KIAA1217: variants seen among roughly 807,000 people sequenced by gnomAD.
KIAA1217 encodes KIAA1217.
In KIAA1217, 88 loss-of-function variants were observed where a neutral mutation model predicts 163.9. That is an observed-to-expected ratio of 0.54 (90% confidence interval 0.45 to 0.64). The LOEUF (loss-of-function observed/expected upper bound fraction) is 0.64. KIAA1217 is among the 30% of genes least tolerant of loss of function. The probability of loss-of-function intolerance (pLI) is 0.00; values close to 1 mark genes in which losing one functional copy is unlikely to be tolerated. For missense variants in KIAA1217, 2,372 were observed against 2,475.0 expected (o/e 0.96, Z 0.88); for synonymous variants, 903 against 923.1 (o/e 0.98, Z 0.39).
intron 1 of KIAA1217, among the ~76,000 whole-genome samples, chr10:23,799,653 G>A (rs1588844579): frequency 6.6e-6 from 1 of 151,958 alleles, no homozygotes; most frequent in Admixed American, 6.6e-5. Context: ...TGTTTTGAGG[G>A]AATCCAATAA....
intron 1 of KIAA1217, among the ~76,000 whole-genome samples, chr10:23,889,619 A>T (rs890525748): frequency 2.0e-5 from 3 of 151,948 alleles, no homozygotes; most frequent in African/African-American, 7.2e-5. Flanking sequence ...TTCAATTCAG[A>T]AAAGACTAAT....
chr10:24,139,693 A>C (rs1353883431), intron 2 of KIAA1217, among the ~76,000 whole-genome samples: 1 of 152,194 alleles, frequency 6.6e-6, no homozygotes, highest in Non-Finnish European at 1.5e-5. Context: ...TGGTCATAAT[A>C]ATATCCATTT....
chr10:23,962,117 C>T (rs948337941), intron 1 of KIAA1217, among the ~76,000 whole-genome samples: 2 of 152,188 alleles, frequency 1.3e-5, no homozygotes, highest in Non-Finnish European at 2.9e-5. Context: ...TTGCCCTGGC[C>T]GTCTGGCCGT....
At chr10:23,869,214 T>C (rs1647460488) in intron 1 of KIAA1217, among the ~76,000 whole-genome samples, 1 of 146,724 alleles carries the variant, frequency 6.8e-6, no homozygotes, top group South Asian at 2.2e-4. Context: ...AAAAGTGGTC[T>C]AGCAGCAGTA....
chr10:24,165,015 A>T (rs1176047771), intron 2 of KIAA1217, among the ~76,000 whole-genome samples: 1 of 152,220 alleles, frequency 6.6e-6, no homozygotes, highest in African/African-American at 2.4e-5. Context: ...GGCTGGGCAG[A>T]TGTCTGCTTA....
chr10:24,374,723 C>T (rs972784577), intron 2 of KIAA1217, among the ~76,000 whole-genome samples: 1 of 152,130 alleles, frequency 6.6e-6, no homozygotes, highest in Non-Finnish European at 1.5e-5. Flanking sequence ...CCACAGAAGC[C>T]GTGGGAAGTT....
chr10:24,151,829 T>C (rs2064629369), intron 2 of KIAA1217, among the ~76,000 whole-genome samples: 1 of 152,080 alleles, frequency 6.6e-6, no homozygotes, highest in Admixed American at 6.6e-5. Context: ...GTTAGAGAAC[T>C]GAGGGCCAGA....
In KIAA1217 at chr10:24,047,485, G is replaced by T. The variant is rs968242517; in HGVS notation, c.-171+40111G>T. Among the ~76,000 whole-genome samples, 72 of 152,196 alleles carry T rather than the reference G, an allele frequency of 4.7e-4. 1 individual carries two copies. Among genetic ancestry groups the T allele is most frequent in the African/African-American group, 1.7e-3 (69 of 41,448 alleles). On this transcript the variant is annotated intron_variant, in intron 2 of 18. Transcript: ENST00000376462. ...GTTAATGTGTGTCCAGTGTTCTCAA[G>T]AGCTCATATCCTGCATGAATACTCT...
At chr10:24,204,815 G>A (rs556660553), upstream of KIAA1217, among the ~76,000 whole-genome samples, 1 of 152,296 alleles carries the variant, frequency 6.6e-6, no homozygotes, top group African/African-American at 2.4e-5. Flanking sequence ...TGTTATCCCA[G>A]TTGTTAAAAA....
intron 1 of KIAA1217, among the ~76,000 whole-genome samples, chr10:23,984,473 T>C (rs947609015): frequency 1.3e-5 from 2 of 152,186 alleles, no homozygotes; most frequent in Admixed American, 1.3e-4. Flanking sequence ...AGTATGTTCA[T>C]TGCAGCACTG....
chr10:24,046,529 G>A (rs891319780), intron 2 of KIAA1217, among the ~76,000 whole-genome samples: 3 of 152,184 alleles, frequency 2.0e-5, no homozygotes, highest in Admixed American at 1.3e-4. Flanking sequence ...AGACGAAGGA[G>A]AAACAAGCAC....
At chr10:23,712,920 G>T (rs528837074) in intron 1 of KIAA1217, among the ~76,000 whole-genome samples, 1 of 152,182 alleles carries the variant, frequency 6.6e-6, no homozygotes, top group East Asian at 1.9e-4. Context: ...CTCTTAAGAA[G>T]ACAGAATTGC....
At chr10:23,804,657 T>TACACAC (rs1449312143) in intron 1 of KIAA1217, among the ~76,000 whole-genome samples, 1 of 152,222 alleles carries the variant, frequency 6.6e-6, no homozygotes, top group African/African-American at 2.4e-5. Context: ...CAGGTCTAGA[T>TACACAC]ACACACCGTT....
At chr10:23,938,461 C>G (rs989333250) in intron 1 of KIAA1217, among the ~76,000 whole-genome samples, 1 of 150,364 alleles carries the variant, frequency 6.7e-6, no homozygotes, top group South Asian at 2.2e-4. Flanking sequence ...ATTCTGCATC[C>G]GTGGTTTCAA....
At chr10:24,474,859 T>C (rs897339543) in intron 6 of KIAA1217, among the ~76,000 whole-genome samples, 1 of 152,194 alleles carries the variant, frequency 6.6e-6, no homozygotes, top group South Asian at 2.1e-4. Context: ...GCCAAAGAAA[T>C]TGAGTCCAAA....
intron 1 of KIAA1217, among the ~76,000 whole-genome samples, chr10:23,980,976 A>G (rs1433916065): frequency 6.6e-6 from 1 of 152,184 alleles, no homozygotes; most frequent in African/African-American, 2.4e-5. Context: ...TGTCTTCTCA[A>G]CATTAGGCAA....
chr10:23,699,911 C>T (rs758466820), intron 1 of KIAA1217, among the ~76,000 whole-genome samples: 2 of 152,202 alleles, frequency 1.3e-5, no homozygotes, highest in Non-Finnish European at 2.9e-5. Flanking sequence ...CACTACAGGT[C>T]TAAGACCTAG....
At chr10:23,783,094 T>G (rs11013707) in intron 1 of KIAA1217, among the ~76,000 whole-genome samples, 7,731 of 152,216 alleles carry the variant, frequency 0.051, 297 homozygotes, top group African/African-American at 0.1. Flanking sequence ...TAGATCAGGG[T>G]TTTCCAATCT....
At chr10:24,050,114 A>G (rs149882516) in intron 2 of KIAA1217, among the ~76,000 whole-genome samples, 14,106 of 152,136 alleles carry the variant, frequency 0.093, 974 homozygotes, top group African/African-American at 0.19. Context: ...CTTTTGAGAA[A>G]TGTCTGTTCA....
Sources: allele counts gnomAD v4.1 joint callset (sites outside exome capture counted in the v4.1 genomes callset), GRCh38; gene constraint gnomAD v4.1.1; transcripts MANE v1.5; gene names NCBI Gene and HGNC (gene_info 2026-07-23, HGNC 2026-07-21).